Variants in CFAP299 observed in about 807,000 individuals in gnomAD.
The protein encoded by CFAP299 is cilia- and flagella-associated protein 299.
CFAP299 carries 21 observed loss-of-function variants against 27.0 expected under a neutral mutation model. The observed-to-expected ratio is 0.78, with a 90% CI of 0.55 to 1.12. The LOEUF (loss-of-function observed/expected upper bound fraction) is 1.12. Ranked by LOEUF, CFAP299 falls within the 50% of genes most tolerant of loss-of-function variation. The probability of loss-of-function intolerance (pLI) is 0.00; values close to 1 mark genes in which losing one functional copy is unlikely to be tolerated. For synonymous variants in CFAP299, 104 were observed against 98.1 expected (o/e 1.06, Z -0.36); for missense variants, 310 against 276.6 (o/e 1.12, Z -0.86).
intron 3 of CFAP299, among the ~76,000 whole-genome samples, chr4:80,688,191 G>C (rs763488812): frequency 6.6e-6 from 1 of 152,246 alleles, no homozygotes; most frequent in African/African-American, 2.4e-5. Flanking sequence ...ACCCACCACA[G>C]CTCAAGGAGG....
chr4:80,937,925 A>G (rs879488383), intron 4 of CFAP299, among the ~76,000 whole-genome samples: 1 of 152,104 alleles, frequency 6.6e-6, no homozygotes, highest in Non-Finnish European at 1.5e-5. Context: ...TATGACTACA[A>G]TGAGGCTTAC....
chr4:80,943,870 C>A (rs1737330039), intron 4 of CFAP299, among the ~76,000 whole-genome samples: 1 of 151,910 alleles, frequency 6.6e-6, no homozygotes, highest in African/African-American at 2.4e-5. Context: ...AGATCGAGAC[C>A]ATCCTGGCCA....
chr4:80,889,266 A>C (rs1353396877), intron 4 of CFAP299, among the ~76,000 whole-genome samples: 1 of 151,990 alleles, frequency 6.6e-6, no homozygotes, highest in Non-Finnish European at 1.5e-5. Flanking sequence ...GAAGCCTCAA[A>C]TAAATAAAAT....
intron 3 of CFAP299, among the ~76,000 whole-genome samples, chr4:80,669,664 A>G (rs544961981): frequency 1.3e-5 from 2 of 150,540 alleles, no homozygotes; most frequent in East Asian, 3.9e-4. Context: ...TTTCCTTTTC[A>G]ATTAGAATGT....
intron 4 of CFAP299, among the ~76,000 whole-genome samples, chr4:80,928,960 C>T (rs756400856): frequency 3.3e-5 from 5 of 152,118 alleles, no homozygotes; most frequent in Non-Finnish European, 5.9e-5. Flanking sequence ...CAGGACCTTA[C>T]ACATTTCTTC....
At chr4:80,830,908 C>T (rs917016240) in intron 3 of CFAP299, among the ~76,000 whole-genome samples, 1 of 152,060 alleles carries the variant, frequency 6.6e-6, no homozygotes, top group Non-Finnish European at 1.5e-5. Flanking sequence ...GATCAAGGTC[C>T]AGAGATTTCA....
chr4:80,781,474 A>G lies in CFAP299; in HGVS notation c.334-88519A>G, dbSNP rs370227145. On this transcript the variant is annotated intron_variant, in intron 3 of 5. Transcript: ENST00000358105. ...ATTTTTGTGACTTTATCCTAAAGGA[A>G]TGGGTTTCATAAAAAGCAGAAGGGA... Among the ~76,000 whole-genome samples, 8 of 152,178 alleles carry G rather than the reference A, an allele frequency of 5.3e-5. No homozygotes were observed. The South Asian group carries it at 1.2e-3, about 24-fold the overall frequency.
chr4:80,887,121 C>G (rs79192785), intron 4 of CFAP299, among the ~76,000 whole-genome samples: 1 of 151,934 alleles, frequency 6.6e-6, no homozygotes, highest in Non-Finnish European at 1.5e-5. Context: ...GAATTATTGG[C>G]CTTAAAGAGG....
At chr4:80,639,621 A>G (rs188964773) in intron 3 of CFAP299, 1 of 152,604 alleles carries the variant, frequency 6.6e-6, no homozygotes, top group Admixed American at 6.5e-5. Flanking sequence ...AGAAAGTGGA[A>G]AGGTGGTTAC....
At chr4:80,815,657 A>T (rs1055280874) in intron 3 of CFAP299, among the ~76,000 whole-genome samples, 8 of 152,048 alleles carry the variant, frequency 5.3e-5, no homozygotes, top group African/African-American at 1.7e-4. Context: ...TAAAATACAT[A>T]CTGTATTCAT....
chr4:80,477,882 T>G (rs772686509), intron 2 of CFAP299, among the ~76,000 whole-genome samples: 4 of 152,128 alleles, frequency 2.6e-5, no homozygotes, highest in Non-Finnish European at 5.9e-5. Flanking sequence ...CTTTTCTCCC[T>G]CCACACCTGT....
intron 3 of CFAP299, among the ~76,000 whole-genome samples, chr4:80,657,760 G>A (rs1740637133): frequency 6.6e-6 from 1 of 151,982 alleles, no homozygotes; most frequent in African/African-American, 2.4e-5. Context: ...TTCTAATTCT[G>A]TGAAAAAAGT....
intron 3 of CFAP299, among the ~76,000 whole-genome samples, chr4:80,853,449 T>C (rs1031292619): frequency 3.3e-5 from 5 of 152,224 alleles, no homozygotes; most frequent in African/African-American, 1.2e-4. Flanking sequence ...TATGCTACTT[T>C]TGTTAGAGAG....
At chr4:80,724,656 AC>A (rs1409210379) in intron 3 of CFAP299, among the ~76,000 whole-genome samples, 5 of 151,942 alleles carry the variant, frequency 3.3e-5, no homozygotes, top group African/African-American at 1.2e-4. Context: ...TTCTCTACAC[AC>A]TATATCCCCT....
At chr4:80,857,372 C>G (rs1731980082) in intron 3 of CFAP299, among the ~76,000 whole-genome samples, 1 of 152,162 alleles carries the variant, frequency 6.6e-6, no homozygotes, top group African/African-American at 2.4e-5. Context: ...TTGACTTCCT[C>G]TTTTCCTAAT....
intron 3 of CFAP299, among the ~76,000 whole-genome samples, chr4:80,845,386 A>T (rs528233518): frequency 2.4e-4 from 37 of 151,938 alleles, no homozygotes; most frequent in Admixed American, 5.9e-4. Flanking sequence ...TATTGCATTT[A>T]AGTTAAATTG....
At chr4:80,833,679 G>A (rs529892446) in intron 3 of CFAP299, among the ~76,000 whole-genome samples, 38 of 152,234 alleles carry the variant, frequency 2.5e-4, no homozygotes, top group African/African-American at 8.2e-4. Context: ...ATTATTGGAC[G>A]TATTTTAAAT....
chr4:80,429,197 G>C (rs1422256121), intron 2 of CFAP299, among the ~76,000 whole-genome samples: 1 of 152,154 alleles, frequency 6.6e-6, no homozygotes, highest in Admixed American at 6.5e-5. Context: ...AATTGCTCTG[G>C]AGTTATTTAT....
intron 2 of CFAP299, among the ~76,000 whole-genome samples, chr4:80,455,091 G>A (rs1370526398): frequency 6.6e-6 from 1 of 152,110 alleles, no homozygotes; most frequent in Non-Finnish European, 1.5e-5. Flanking sequence ...CAGATAGCAA[G>A]GTTTCAAATC....
Sources: gnomAD v4.1 joint callset for allele counts (sites outside exome capture counted in the v4.1 genomes callset) on GRCh38, gnomAD v4.1.1 for gene constraint, MANE v1.5 for transcripts, NCBI Gene and HGNC (gene_info 2026-07-23, HGNC 2026-07-21) for gene names.